The following NHS variants were observed in gnomAD, a reference collection of about 807,000 sequenced individuals.
The protein encoded by NHS is NHS actin remodeling regulator.
In NHS, 5 loss-of-function variants were observed where a neutral mutation model predicts 72.5. That is an observed-to-expected ratio of 0.07 (90% CI 0.04 to 0.14). The LOEUF (loss-of-function observed/expected upper bound fraction) is 0.14, where lower values mean the gene tolerates loss of function less well. Among genes scored for constraint, NHS ranks in the 10% least tolerant of loss-of-function variants. The pLI, the probability that NHS is intolerant of heterozygous loss-of-function variation, is 1.00. For synonymous variants in NHS, 464 were observed against 547.7 expected (o/e 0.85, Z 2.13); for missense variants, 1,072 against 1,355.7 (o/e 0.79, Z 3.29).
chrX:17,528,214 C>T (rs1411406195), intron 1 of NHS, among the ~76,000 whole-genome samples: 1 of 111,696 alleles, frequency 9.0e-6, no homozygotes, highest in East Asian at 2.8e-4. Flanking sequence ...GCTGCTAAAC[C>T]TCCTACAATG....
intron 3 of NHS, among the ~76,000 whole-genome samples, chrX:17,699,953 A>G (rs2147121146): frequency 8.9e-6 from 1 of 112,192 alleles, no homozygotes; most frequent in Admixed American, 9.5e-5. Flanking sequence ...TCAAAAGACA[A>G]CTGAAAAACT....
chrX:17,537,302 A>G (rs1186067924), intron 1 of NHS, among the ~76,000 whole-genome samples: 1 of 112,330 alleles, frequency 8.9e-6, no homozygotes, highest in Non-Finnish European at 1.9e-5. Flanking sequence ...TGATCCAAGC[A>G]TAATGAACAA....
At chrX:17,622,367 G>A (rs1480556658) in intron 1 of NHS, among the ~76,000 whole-genome samples, 1 of 112,590 alleles carries the variant, frequency 8.9e-6, no homozygotes, top group Non-Finnish European at 1.9e-5. Context: ...TGCCAACATG[G>A]GCTTGTGAGC....
chrX:17,719,624 C>G lies in NHS; in HGVS notation c.915+218C>G, dbSNP rs769048730. 5.5e-5 allele frequency among the ~76,000 whole-genome samples: 6 copies of G among 109,947 alleles called. No individual in the cohort carries two copies. In the South Asian group the frequency reaches 2.4e-3, roughly 44 times the overall value. On this transcript the variant is annotated intron_variant, in intron 4 of 8. Transcript: ENST00000676302. ...CCTTTTTCCCCCATTCACTGCCCCC[C>G]ACTCTGCAAACTGCATCACCTAACA... is the stretch of plus-strand genomic sequence containing the variant.
In NHS at chrX:17,398,270, T is replaced by C; in HGVS notation, c.565+21948T>C. On this transcript the variant is annotated intron_variant, in intron 1 of 8. Transcript: ENST00000676302. ...CTATTTCATATATTGAGGTTGCTTG[T>C]AACCTATCATTTGAGGAAAAGGGTT... Among the ~76,000 whole-genome samples, 3 of 111,983 alleles carry C rather than the reference T, an allele frequency of 2.7e-5. 1 individual carries two copies. In the South Asian group the frequency reaches 1.1e-3, roughly 43 times the overall value.
chrX:17,429,250 G>GTA (rs2064674019), intron 1 of NHS, among the ~76,000 whole-genome samples: 1 of 108,465 alleles, frequency 9.2e-6, no homozygotes, highest in African/African-American at 3.6e-5. Context: ...GTGTGTGTGT[G>GTA]TGTGTGTGCA....
chrX:17,450,730 G>A (rs1295317660), intron 1 of NHS, among the ~76,000 whole-genome samples: 1 of 112,043 alleles, frequency 8.9e-6, no homozygotes. Context: ...ACAAAAATAA[G>A]CTGGGCATGG....
chrX:17,555,328 T>C (rs5909376), intron 1 of NHS, among the ~76,000 whole-genome samples: 51,208 of 106,913 alleles, frequency 0.48, 10,075 homozygotes, highest in East Asian at 0.76. Flanking sequence ...GCTCCAAGGC[T>C]GTGAATCTCT....
At chrX:17,442,965 T>C (rs1025670458) in intron 1 of NHS, among the ~76,000 whole-genome samples, 1 of 111,867 alleles carries the variant, frequency 8.9e-6, no homozygotes, top group African/African-American at 3.3e-5. Flanking sequence ...AGCAGTTGCA[T>C]GGCTATTCTA....
At chrX:17,650,184 G>T (rs1166768474) in intron 1 of NHS, among the ~76,000 whole-genome samples, 1 of 112,698 alleles carries the variant, frequency 8.9e-6, no homozygotes, top group Non-Finnish European at 1.9e-5. Flanking sequence ...GGACCAAAAG[G>T]TTATCCAGCC....
At chrX:17,554,268 C>T (rs943461325) in intron 1 of NHS, among the ~76,000 whole-genome samples, 1 of 112,300 alleles carries the variant, frequency 8.9e-6, no homozygotes, top group Non-Finnish European at 1.9e-5. Flanking sequence ...TTCTGCTGTC[C>T]GTAAGGACAG....
chrX:17,672,555 G>A (rs1296138909), intron 1 of NHS, among the ~76,000 whole-genome samples: 1 of 112,811 alleles, frequency 8.9e-6, no homozygotes, highest in Non-Finnish European at 1.9e-5. Flanking sequence ...TACAGGAAGA[G>A]GTCATTCCAC....
chrX:17,611,922 TACTTTTGGTAAAGA>T (rs1302448280), intron 1 of NHS, among the ~76,000 whole-genome samples: 1 of 111,898 alleles, frequency 8.9e-6, no homozygotes, highest in Non-Finnish European at 1.9e-5. Context: ...GAATTTTTGG[TACTTTTGGTAAAGA>T]ACTTTTGGTA....
chrX:17,426,392 C>G (rs1331313654), intron 1 of NHS, among the ~76,000 whole-genome samples: 1 of 111,371 alleles, frequency 9.0e-6, no homozygotes, highest in African/African-American at 3.3e-5. Flanking sequence ...ACCCCTTGTT[C>G]TCTCATCTAT....
intron 1 of NHS, among the ~76,000 whole-genome samples, chrX:17,463,806 C>A (rs1036868535): frequency 8.9e-6 from 1 of 112,142 alleles, no homozygotes; most frequent in African/African-American, 3.2e-5. Context: ...TTAGGCTTAA[C>A]AAAGTATGGA....
intron 1 of NHS, among the ~76,000 whole-genome samples, chrX:17,634,411 C>A (rs1478435745): frequency 8.9e-6 from 1 of 111,979 alleles, no homozygotes; most frequent in African/African-American, 3.2e-5. Flanking sequence ...CTCTGGACTG[C>A]AGAGGAAAAG....
chrX:17,575,477 C>T (rs2065505579), intron 1 of NHS, among the ~76,000 whole-genome samples: 1 of 112,604 alleles, frequency 8.9e-6, no homozygotes, highest in Non-Finnish European at 1.9e-5. Flanking sequence ...TTTCCCATCA[C>T]TTCATCCTCC....
At chrX:17,380,504 C>T (rs1344486611) in intron 1 of NHS, among the ~76,000 whole-genome samples, 1 of 110,271 alleles carries the variant, frequency 9.1e-6, no homozygotes, top group African/African-American at 3.3e-5. Context: ...AGGTGTGCAC[C>T]ACTACGCTAG....
intron 1 of NHS, among the ~76,000 whole-genome samples, chrX:17,621,512 G>A (rs959487885): frequency 3.6e-5 from 4 of 112,217 alleles, no homozygotes; most frequent in African/African-American, 1.3e-4. Flanking sequence ...GATTCTGAAT[G>A]TTTAACCACT....
Sources: gnomAD v4.1 joint callset for allele counts (sites outside exome capture counted in the v4.1 genomes callset) on GRCh38, gnomAD v4.1.1 for gene constraint, MANE v1.5 for transcripts, NCBI Gene and HGNC (gene_info 2026-07-23, HGNC 2026-07-21) for gene names.